SLC44A1: variants seen among roughly 807,000 people sequenced by gnomAD.
The protein encoded by SLC44A1 is choline transporter-like protein 1.
SLC44A1 carries 26 observed loss-of-function variants against 79.3 expected under a neutral mutation model. The ratio of observed to expected loss-of-function variants is 0.33; its 90% CI spans 0.24 to 0.46. The LOEUF (loss-of-function observed/expected upper bound fraction) is 0.46. SLC44A1 is among the 20% of genes least tolerant of loss of function. The pLI, the probability that SLC44A1 is intolerant of heterozygous loss-of-function variation, is 1.00. For missense variants in SLC44A1, 688 were observed against 798.1 expected, an observed-to-expected ratio of 0.86 and a Z score of 1.66; for synonymous variants, 263 against 286.2, an observed-to-expected ratio of 0.92 and a Z score of 0.82.
At chr9:105,291,432 A>G (rs1443849527) in intron 1 of SLC44A1, among the ~76,000 whole-genome samples, 1 of 152,212 alleles carries the variant, frequency 6.6e-6, no homozygotes, top group Non-Finnish European at 1.5e-5. Context: ...GCATTCAGTG[A>G]CTATTATAGT....
At chr9:105,426,884 G>A (rs1829328821) in intron 15 of SLC44A1, among the ~76,000 whole-genome samples, 1 of 150,786 alleles carries the variant, frequency 6.6e-6, no homozygotes, top group South Asian at 2.1e-4. Flanking sequence ...ATGACCCAAA[G>A]GTAAAGACAA....
chr9:105,287,989 A>G (rs1588737005), intron 1 of SLC44A1, among the ~76,000 whole-genome samples: 1 of 152,368 alleles, frequency 6.6e-6, no homozygotes, highest in Non-Finnish European at 1.5e-5. Context: ...TATATTATAT[A>G]TAATGTATGT....
At position 105,389,082 on chromosome 9, in the gene SLC44A1, A is replaced by C; in HGVS notation, c.*26A>C. On this transcript the variant is annotated 3_prime_UTR_variant, in exon 16 of 16. Transcript: ENST00000374720. ...ACCTAGCCGACGGTTATGGAAACCC[A>C]TTGACATTCCAAAACAATATATACA... 1 of 1,613,012 alleles carries C rather than the reference A, an allele frequency of 6.2e-7. No individual in the cohort carries two copies. The highest frequency in any genetic ancestry group is 1.1e-5 in the South Asian group (1 of 91,032).
rs983011578 is a variant in SLC44A1 at position 105,389,922 on chromosome 9, G to A, written c.*866G>A. 2 of 1,513,790 alleles carry A rather than the reference G, an allele frequency of 1.3e-6. No homozygotes were observed. Among genetic ancestry groups the A allele is most frequent in the Admixed American group, 2.3e-5 (1 of 43,614 alleles). 93.8% of individuals were successfully genotyped at this position (1,513,790 alleles called of 1,614,324 possible). A position where few individuals can be genotyped will look rare whatever the true frequency, so the allele number is the denominator to read the frequency against. On this transcript the variant is annotated 3_prime_UTR_variant, in exon 16 of 16. Transcript: ENST00000374720. ...TTTGCAGATTAAGTAATGCTGGGAG[G>A]AATAAAGAAGGGACAGAAACATGGA...
chr9:105,341,190 C>T (rs1216654122), intron 4 of SLC44A1, among the ~76,000 whole-genome samples: 1 of 151,974 alleles, frequency 6.6e-6, no homozygotes, highest in Admixed American at 6.6e-5. Context: ...CAAAAATTAG[C>T]TGGGCATGGT....
At chr9:105,249,955 A>C (rs569375174) in intron 1 of SLC44A1, among the ~76,000 whole-genome samples, 1 of 140,906 alleles carries the variant, frequency 7.1e-6, no homozygotes, top group African/African-American at 2.7e-5. Flanking sequence ...TGCAGCTTTG[A>C]TCTTCTGGGC....
At position 105,363,704 on chromosome 9, in the gene SLC44A1, A is replaced by C. The variant is rs554695006; in HGVS notation, c.1087+697A>C. ...GCTCTCCAACTCCTGGCCTCATGTG[A>C]TCCATCCACCTCGGCCTCCCAAAGT... On this transcript the variant is annotated intron_variant, in intron 9 of 15. Coordinates refer to ENST00000374720, the MANE Select transcript of SLC44A1 (RefSeq NM_080546.5). Among the ~76,000 whole-genome samples the C allele has an allele frequency of 3.3e-5, 5 of 151,030 alleles. No individual in the cohort carries two copies. The East Asian group carries it at 7.9e-4, about 24-fold the overall frequency.
At position 105,390,454 on chromosome 9, in the gene SLC44A1, C is replaced by T; in HGVS notation, c.*1398C>T. 1 of 909,198 alleles carries T rather than the reference C, an allele frequency of 1.1e-6. No individual in the cohort carries two copies. Among genetic ancestry groups the T allele is most frequent in the Non-Finnish European group, 1.3e-6 (1 of 769,470 alleles). The allele number at this position is 909,198 out of a possible 1,614,324, so 56.3% of individuals were successfully genotyped here. On this transcript the variant is annotated 3_prime_UTR_variant, in exon 16 of 16. Coordinates refer to ENST00000374720, the MANE Select transcript of SLC44A1 (RefSeq NM_080546.5). ...ACAAAAAAAAAAAAAAAAAAAAAGC[C>T]TCAGCATTTTATCATTCCATGGAAG...
chr9:105,256,172 C>G (rs1261620538), intron 1 of SLC44A1, among the ~76,000 whole-genome samples: 2 of 151,978 alleles, frequency 1.3e-5, no homozygotes, highest in African/African-American at 2.4e-5. Context: ...ACCACCATGC[C>G]TGCTAATTTT....
chr9:105,402,842 T>A lies in SLC44A1; in HGVS notation c.1950+17340T>A, dbSNP rs151289825. On this transcript the variant is annotated intron_variant, in intron 15 of 15. Coordinates refer to the SLC44A1 transcript ENST00000374724. ...CAAGAAGGCATATATACAAAAAGAT[T>A]TTTTTTAACCCCAGGCTGGAGTGCA... 6.9e-3 allele frequency among the ~76,000 whole-genome samples: 1,057 copies of A among 152,130 alleles called. 16 individuals are homozygous for A. The highest frequency in any genetic ancestry group is 0.024 in the African/African-American group (1,007 of 41,520).
chr9:105,390,646 T>C lies in SLC44A1; in HGVS notation c.*1590T>C. ...CCTTTAAATTGCTGCAAAAGGTAAA[T>C]TGTATTTTTTTTTAAGTATTGGTGT... On this transcript the variant is annotated 3_prime_UTR_variant, in exon 16 of 16. Transcript: ENST00000374720. 4.1e-6 allele frequency: 4 copies of C among 985,718 alleles called. No individual in the cohort carries two copies. Among genetic ancestry groups the C allele is most frequent in the African/African-American group, 1.7e-5 (1 of 57,354 alleles). 61.1% of individuals were successfully genotyped at this position (985,718 alleles called of 1,614,324 possible). A position where few individuals can be genotyped will look rare whatever the true frequency, so the allele number is the denominator to read the frequency against.
chr9:105,349,681 A>G (rs1309707421), intron 5 of SLC44A1, among the ~76,000 whole-genome samples: 1 of 152,198 alleles, frequency 6.6e-6, no homozygotes, highest in East Asian at 1.9e-4. Flanking sequence ...GAGAAAATTT[A>G]TCCATATAAA....
At chr9:105,371,414 C>T (rs114177686) in intron 12 of SLC44A1, among the ~76,000 whole-genome samples, 7 of 152,278 alleles carry the variant, frequency 4.6e-5, no homozygotes, top group African/African-American at 1.4e-4. Context: ...AGTTATGTGC[C>T]AGTAAAACTT....
rs188927297 is a variant in SLC44A1 at position 105,417,042 on chromosome 9, A to G, written c.1951-21239A>G. ...GGTTTTGGTTTTGGTTTTAGTTTTA[A>G]TGTAGATATTTAACAGAGCTGAATT... On this transcript the variant is annotated intron_variant, in intron 15 of 15. Coordinates refer to the SLC44A1 transcript ENST00000374724. Among the ~76,000 whole-genome samples, 5 of 152,264 alleles carry G rather than the reference A, an allele frequency of 3.3e-5. No homozygotes were observed. The East Asian group carries it at 9.6e-4, about 29-fold the overall frequency.
chr9:105,385,400 CA>C, intron 14 of SLC44A1, 21 bp from the exon 15 acceptor site: 1 of 1,508,092 alleles, frequency 6.6e-7, no homozygotes, highest in Non-Finnish European at 9.1e-7. Flanking sequence ...AGAATTTATT[CA>C]ATATGGTCCA....
intron 1 of SLC44A1, among the ~76,000 whole-genome samples, chr9:105,290,362 T>C (rs912984878): frequency 1.3e-4 from 20 of 152,074 alleles, no homozygotes; most frequent in Admixed American, 9.8e-4. Flanking sequence ...TAGGATGTGA[T>C]AGGAAAAAAA....
intron 13 of SLC44A1, among the ~76,000 whole-genome samples, chr9:105,375,892 T>G (rs1284970319): frequency 6.6e-6 from 1 of 152,150 alleles, no homozygotes; most frequent in Non-Finnish European, 1.5e-5. Flanking sequence ...TTCTATATAA[T>G]TCTTCCCATT....
intron 1 of SLC44A1, among the ~76,000 whole-genome samples, chr9:105,274,884 TATCTC>T (rs1464821165): frequency 6.6e-6 from 1 of 152,228 alleles, no homozygotes; most frequent in African/African-American, 2.4e-5. Flanking sequence ...AACTCTTAGT[TATCTC>T]ATCCATTCCA....
chr9:105,392,637 T>C lies in SLC44A1; in HGVS notation c.*3581T>C. ...CCCTCTTCAAAACAGCTACAGGAAC[T>C]GCAGGCACCACATATGTGTGAGGCC... On this transcript the variant is annotated 3_prime_UTR_variant, in exon 16 of 16. Coordinates refer to ENST00000374720, the MANE Select transcript of SLC44A1 (RefSeq NM_080546.5). 2.0e-6 allele frequency: 2 copies of C among 985,446 alleles called. No individual in the cohort carries two copies. The highest frequency in any genetic ancestry group is 2.4e-6 in the Non-Finnish European group (2 of 829,992). The allele number at this position is 985,446 out of a possible 1,614,324, so 61.0% of individuals were successfully genotyped here.
Sources: allele counts gnomAD v4.1 joint callset (sites outside exome capture counted in the v4.1 genomes callset), GRCh38; gene constraint gnomAD v4.1.1; transcripts MANE v1.5; gene names NCBI Gene and HGNC (gene_info 2026-07-23, HGNC 2026-07-21).